DENND2C: variants seen among roughly 807,000 people sequenced by gnomAD.
DENND2C encodes DENN domain-containing protein 2C.
Under a neutral mutation model 112.4 loss-of-function variants are expected in DENND2C, and 72 were observed. The observed-to-expected ratio is 0.64, with a 90% CI of 0.53 to 0.78. The LOEUF (loss-of-function observed/expected upper bound fraction) is 0.78, where lower values mean the gene tolerates loss of function less well. Ranked by LOEUF, DENND2C falls within the 30% of genes least tolerant of loss-of-function variation. The pLI is 0.00. For missense variants in DENND2C, 992 were observed against 1,113.8 expected (o/e 0.89, Z 1.56); for synonymous variants, 329 against 381.6 (o/e 0.86, Z 1.61).
chr1:114,612,383 A>G (rs1395865353), intron 8 of DENND2C, among the ~76,000 whole-genome samples: 1 of 144,752 alleles, frequency 6.9e-6, no homozygotes, highest in Non-Finnish European at 1.5e-5. Flanking sequence ...ACAGGGTCTC[A>G]CTCTGCTGCA....
chr1:114,645,108 GT>G (rs1413761260), intron 3 of DENND2C, among the ~76,000 whole-genome samples: 1 of 151,846 alleles, frequency 6.6e-6, no homozygotes, highest in Non-Finnish European at 1.5e-5. Flanking sequence ...ATTAAACGTG[GT>G]TTTTTTTGAT....
At chr1:114,626,760 C>T (rs1247394106) in intron 3 of DENND2C, among the ~76,000 whole-genome samples, 1 of 151,962 alleles carries the variant, frequency 6.6e-6, no homozygotes, top group African/African-American at 2.4e-5. Context: ...CAATCCACCC[C>T]CTTGGCCTCC....
chr1:114,656,685 C>G (rs1464893020), intron 1 of DENND2C, among the ~76,000 whole-genome samples: 2 of 152,014 alleles, frequency 1.3e-5, no homozygotes, highest in African/African-American at 4.8e-5. Flanking sequence ...CATGAGCCGC[C>G]GCACCCGGCC....
chr1:114,657,523 A>C (rs894681332), intron 1 of DENND2C, among the ~76,000 whole-genome samples: 17 of 152,340 alleles, frequency 1.1e-4, no homozygotes, highest in Middle Eastern at 3.4e-3. Flanking sequence ...TGGAAGCCAA[A>C]GGAAGAGACT....
At chr1:114,623,762 A>AGATTCTG in intron 4 of DENND2C, 119 bp from the exon 5 acceptor site, 2 of 924,810 alleles carry the variant, frequency 2.2e-6, no homozygotes, top group Non-Finnish European at 3.0e-6. Context: ...TTGAGACAGA[A>AGATTCTG]TCTCAGTCTG....
rs757481116 is a variant in DENND2C at position 114,600,217 on chromosome 1, C to T, written c.2092G>A (p.Ala698Thr). The part of the protein sequence containing the change: ...LLLERRVIFV[A>T]NSLSTLSKCG... ...CTTATTTCTTACCTTAGGCTGTTGG[C>T]AACAAAGATTACCCTACGCTCCAAA... is the stretch of plus-strand genomic sequence containing the variant. Residue 698 changes from alanine to threonine, a missense_variant, in exon 15 of 21, where the codon GCC (alanine) becomes ACC (threonine). Transcript: ENST00000393274. 4 of 1,613,732 alleles carry T rather than the reference C, an allele frequency of 2.5e-6. No homozygotes were observed. The highest frequency in any genetic ancestry group is 1.6e-4 in the Middle Eastern group (1 of 6,084).
intron 8 of DENND2C, 95 bp from the exon 9 acceptor site, chr1:114,611,212 A>C (rs909731823): frequency 4.1e-5 from 56 of 1,379,244 alleles, no homozygotes; most frequent in African/African-American, 7.2e-5. Flanking sequence ...GGGGACTTGG[A>C]GTAAGGAATA....
chr1:114,599,956 G>A (rs1655448911), intron 15 of DENND2C, among the ~76,000 whole-genome samples: 1 of 151,314 alleles, frequency 6.6e-6, no homozygotes, highest in South Asian at 2.1e-4. Flanking sequence ...ATCACACACC[G>A]GGGCCTGTCG....
intron 18 of DENND2C, among the ~76,000 whole-genome samples, chr1:114,592,645 A>C (rs1402595364): frequency 6.6e-6 from 1 of 152,178 alleles, no homozygotes; most frequent in African/African-American, 2.4e-5. Context: ...GCTTGTGCTC[A>C]GGAGGTCAAA....
In DENND2C at chr1:114,615,242, C is replaced by T. The variant is rs1467830013; in HGVS notation, c.1324+3144G>A. ...AAAGGATGCAGCACAATACCTGGCA[C>T]GAGTTTTCATTTTCTATGTCTAGTT... On this transcript the variant is annotated intron_variant, in intron 8 of 20. Transcript: ENST00000393274. Among the ~76,000 whole-genome samples the T allele has an allele frequency of 5.3e-5, 8 of 152,218 alleles. No individual in the cohort carries two copies. In the South Asian group the frequency reaches 6.2e-4, roughly 12 times the overall value.
At chr1:114,645,176 G>C (rs7533963) in intron 3 of DENND2C, among the ~76,000 whole-genome samples, 78,480 of 151,870 alleles carry the variant, frequency 0.52, 20,510 homozygotes, top group South Asian at 0.61. Context: ...TGGTTCTAAG[G>C]GTGTTATAGA....
chr1:114,596,044 A>G (rs1655333019), intron 16 of DENND2C, among the ~76,000 whole-genome samples, 171 bp from the exon 17 acceptor site: 1 of 152,232 alleles, frequency 6.6e-6, no homozygotes, highest in South Asian at 2.1e-4. Flanking sequence ...ATGCACACCT[A>G]TAGATTAAAA....
chr1:114,655,878 G>GTGTATATATATATATATATA (rs1553238216), intron 1 of DENND2C, among the ~76,000 whole-genome samples: 2 of 19,944 alleles, frequency 1.0e-4, no homozygotes, highest in East Asian at 5.8e-4. Flanking sequence ...ATATATATAT[G>GTGTATATATATATATATATA]TATAAATATA....
intron 1 of DENND2C, among the ~76,000 whole-genome samples, chr1:114,660,392 T>G (rs760339910): frequency 2.4e-4 from 37 of 152,164 alleles, no homozygotes; most frequent in Non-Finnish European, 4.7e-4. Context: ...TGCTGGACAG[T>G]ATGTTCACCC....
rs1447168159 is a variant in DENND2C, at chr1:114,601,507, C to T, written c.1815+1G>A. ...TTTCATACAGCTCATTCTCCACTCA[C>T]CTTTGAAAAAAGATTGAAGCAGCCT... On this transcript the variant is annotated splice_donor_variant, in intron 13 of 20. Coordinates refer to ENST00000393274, the MANE Select transcript of DENND2C (RefSeq NM_001256404.2). LOFTEE classifies it high-confidence loss of function. 2 of 1,611,380 alleles carry T rather than the reference C, an allele frequency of 1.2e-6. No homozygotes were observed. Among genetic ancestry groups the T allele is most frequent in the Non-Finnish European group, 1.7e-6 (2 of 1,178,620 alleles).
Position 114,625,439 on chromosome 1 carries a change from A to C in DENND2C, c.546T>G (p.Asp182Glu), listed in dbSNP as rs1656308715. 4.3e-6 allele frequency: 7 copies of C among 1,614,158 alleles called. No homozygotes were observed. The highest frequency in any genetic ancestry group is 5.9e-6 in the Non-Finnish European group (7 of 1,180,022). Reference protein sequence around the residue: ...SEKELNFRVLDSSYGITKSLE... With the variant: ...SEKELNFRVLESSYGITKSLE... Reference sequence around the variant, plus strand: ...AGCTCTTGGTTATTCCGTATGAACTATCCAGAACTCTGAAGTTCAGTTCTT... The same window carrying C: ...AGCTCTTGGTTATTCCGTATGAACTCTCCAGAACTCTGAAGTTCAGTTCTT... Residue 182 changes from aspartate (D) to glutamate (E), a missense_variant, in exon 4 of 21, where the codon GAT becomes GAG. Asp to Glu is a conservative substitution (Grantham distance 45). Coordinates refer to ENST00000393274, the MANE Select transcript of DENND2C (RefSeq NM_001256404.2).
intron 1 of DENND2C, among the ~76,000 whole-genome samples, chr1:114,664,352 C>G (rs1030552127): frequency 1.1e-4 from 17 of 152,224 alleles, no homozygotes; most frequent in African/African-American, 3.8e-4. Context: ...GTGGCTCATG[C>G]CTGTAATCCT....
intron 1 of DENND2C, among the ~76,000 whole-genome samples, chr1:114,658,020 A>C (rs74555890): frequency 6.6e-6 from 1 of 152,242 alleles, no homozygotes; most frequent in Non-Finnish European, 1.5e-5. Flanking sequence ...AAGAAAGATA[A>C]GAGTGCAGGT....
At chr1:114,637,105 C>A (rs200202739) in intron 3 of DENND2C, among the ~76,000 whole-genome samples, 10 of 148,628 alleles carry the variant, frequency 6.7e-5, no homozygotes, top group Non-Finnish European at 8.9e-5. Flanking sequence ...AACAAAAATA[C>A]AAAAAAAAAC....
Sources: gnomAD v4.1 joint callset for allele counts (sites outside exome capture counted in the v4.1 genomes callset) on GRCh38, gnomAD v4.1.1 for gene constraint, MANE v1.5 for transcripts, NCBI Gene and HGNC (gene_info 2026-07-23, HGNC 2026-07-21) for gene names.